The following DIXDC1 variants were observed in gnomAD, a reference collection of about 807,000 sequenced individuals.
The protein encoded by DIXDC1 is DIX domain containing 1.
DIXDC1 carries 64 observed loss-of-function variants against 103.1 expected under a neutral mutation model. The observed-to-expected ratio is 0.62, with a 90% CI of 0.51 to 0.76. DIXDC1 has a LOEUF of 0.76. Ranked by LOEUF, DIXDC1 falls within the 30% of genes least tolerant of loss-of-function variation. DIXDC1 has a pLI of 0.00. For synonymous variants in DIXDC1, 266 were observed against 298.5 expected, an observed-to-expected ratio of 0.89 and a Z score of 1.12; for missense variants, 759 against 834.2, an observed-to-expected ratio of 0.91 and a Z score of 1.11.
chr11:111,940,442 C>T (rs2137441938), intron 1 of DIXDC1, among the ~76,000 whole-genome samples: 1 of 152,260 alleles, frequency 6.6e-6, no homozygotes, highest in African/African-American at 2.4e-5. Flanking sequence ...TCTGCATCTG[C>T]CTCAAAGCTA....
intron 1 of DIXDC1, among the ~76,000 whole-genome samples, chr11:111,953,005 G>GA (rs1555170219): frequency 6.6e-6 from 1 of 151,858 alleles, no homozygotes; most frequent in African/African-American, 2.4e-5. Flanking sequence ...ACCAAACAAA[G>GA]AAAAAACAAA....
chr11:111,937,402 T>A lies in DIXDC1; in HGVS notation c.-98T>A, dbSNP rs1165543969. 10 of 1,503,426 alleles carry A rather than the reference T, an allele frequency of 6.7e-6. No individual in the cohort carries two copies. In the East Asian group the frequency reaches 2.3e-4, roughly 34 times the overall value. 93.1% of individuals were successfully genotyped at this position (1,503,426 alleles called of 1,614,324 possible). A position where few individuals can be genotyped will look rare whatever the true frequency, so the allele number is the denominator to read the frequency against. ...ATGCGGGACTCCGGAGGGATCCCAATGAGCTGAGCCGAGAGCCTTTGTGTG... is the reference window on the plus strand; with the variant it reads ...ATGCGGGACTCCGGAGGGATCCCAAAGAGCTGAGCCGAGAGCCTTTGTGTG... On this transcript the variant is annotated 5_prime_UTR_variant, in exon 1 of 20. The change abolishes an upstream ATG in the 5' untranslated region. Coordinates refer to ENST00000440460, the MANE Select transcript of DIXDC1 (RefSeq NM_001037954.4).
chr11:111,932,026 C>A (rs1966035385), intron 2 of DIXDC1, among the ~76,000 whole-genome samples: 1 of 137,880 alleles, frequency 7.3e-6, no homozygotes, highest in Admixed American at 7.4e-5. Context: ...TGGCAGATAA[C>A]CTTTTTTTTT....
intron 2 of DIXDC1, among the ~76,000 whole-genome samples, chr11:111,965,682 T>G (rs1859705073): frequency 6.6e-6 from 1 of 152,212 alleles, no homozygotes; most frequent in Admixed American, 6.5e-5. Flanking sequence ...AACATAATAT[T>G]ATCCCCACTT....
rs1861611110 is a variant in DIXDC1, at chr11:112,017,018, A to G, written c.1862+222A>G. Among the ~76,000 whole-genome samples, 2 of 152,098 alleles carry G rather than the reference A, an allele frequency of 1.3e-5. No homozygotes were observed. Among genetic ancestry groups the G allele is most frequent in the African/African-American group, 4.8e-5 (2 of 41,430 alleles). ...TGATCTACTACTAGATACAGGTACA[A>G]TAATAGTACTTCCAATCCTGATAAC... On this transcript the variant is annotated intron_variant, in intron 18 of 19. Coordinates refer to ENST00000440460, the MANE Select transcript of DIXDC1 (RefSeq NM_001037954.4). This position sits in a 1 kb window ranked among gnomAD's most constrained non-coding sequence, Gnocchi z 4.0.
chr11:112,017,978 G>A lies in DIXDC1; in HGVS notation c.1971+93G>A. On this transcript the variant is annotated intron_variant, in intron 19 of 19. Transcript: ENST00000440460. This position sits in a 1 kb window ranked among gnomAD's most constrained non-coding sequence, Gnocchi z 4.0. The stretch of plus-strand genomic sequence containing the variant: ...AGCACTAGTGTCCAGAAGTACATGA[G>A]TTCCCTGACTAGGTCAGAAGAATTT... The A allele has an allele frequency of 1.0e-6, 1 of 974,302 alleles. No individual in the cohort carries two copies. The highest frequency in any genetic ancestry group is 1.5e-6 in the Non-Finnish European group (1 of 649,566). 60.4% of individuals were successfully genotyped at this position (974,302 alleles called of 1,614,324 possible).
chr11:112,007,832 G>A (rs1555176763), intron 17 of DIXDC1, among the ~76,000 whole-genome samples: 2 of 152,148 alleles, frequency 1.3e-5, no homozygotes, highest in Admixed American at 1.3e-4. Flanking sequence ...AGGAACAACC[G>A]GTACCAGCCA....
Position 111,977,858 on chromosome 11 carries a change from A to G in DIXDC1, c.656+2875A>G. On this transcript the variant is annotated intron_variant, in intron 5 of 19. Transcript: ENST00000440460. This position sits in a 1 kb window ranked among gnomAD's most constrained non-coding sequence, Gnocchi z 6.1. Reference sequence around the variant, plus strand: ...TGGGTGGGAACAGGGGCAGGGCTGGAGGATGCTGTTGGCCGGAGACAGGCG... The same window carrying G: ...TGGGTGGGAACAGGGGCAGGGCTGGGGGATGCTGTTGGCCGGAGACAGGCG... The G allele has an allele frequency of 6.7e-7, 1 of 1,493,322 alleles. No homozygotes were observed. Among genetic ancestry groups the G allele is most frequent in the Non-Finnish European group, 8.9e-7 (1 of 1,120,392 alleles). 92.5% of individuals were successfully genotyped at this position (1,493,322 alleles called of 1,614,324 possible). A position where few individuals can be genotyped will look rare whatever the true frequency, so the allele number is the denominator to read the frequency against.
chr11:112,010,429 C>T lies in DIXDC1; in HGVS notation c.1757-6262C>T, dbSNP rs587698956. On this transcript the variant is annotated intron_variant, in intron 17 of 19. Transcript: ENST00000440460. Reference sequence around the variant, plus strand: ...ATTCCCATCAAGCTACCAATGTCTTCTTCACAGAATTGGAAAAAACTACTT... The same window carrying T: ...ATTCCCATCAAGCTACCAATGTCTTTTTCACAGAATTGGAAAAAACTACTT... Among the ~76,000 whole-genome samples the T allele has an allele frequency of 3.9e-5, 6 of 152,312 alleles. No individual in the cohort carries two copies. The South Asian group carries it at 1.2e-3, about 32-fold the overall frequency.
chr11:111,971,370 CT>C (rs1390858876), intron 3 of DIXDC1, among the ~76,000 whole-genome samples: 1 of 152,202 alleles, frequency 6.6e-6, no homozygotes, highest in Non-Finnish European at 1.5e-5. Context: ...CTCATCAACA[CT>C]AATCAGATAA....
At chr11:111,974,750 G>C (rs1167152932) in intron 4 of DIXDC1, 126 bp from the exon 5 acceptor site, 1 of 1,470,296 alleles carries the variant, frequency 6.8e-7, no homozygotes, top group Non-Finnish European at 9.0e-7. Context: ...AAGTGTCTTT[G>C]AGGCAGGGGT....
Position 111,986,869 on chromosome 11 carries a change from A to C in DIXDC1, c.1009-2A>C, listed in dbSNP as rs1413393454. The C allele has an allele frequency of 1.9e-6, 3 of 1,567,170 alleles. No homozygotes were observed. Among genetic ancestry groups the C allele is most frequent in the Non-Finnish European group, 2.6e-6 (3 of 1,154,752 alleles). On this transcript the variant is annotated splice_acceptor_variant, in intron 8 of 19. Coordinates refer to ENST00000440460, the MANE Select transcript of DIXDC1 (RefSeq NM_001037954.4). LOFTEE classifies it high-confidence loss of function. ...AGCCATCTCTGTTTGTCTTATATTC[A>C]GATTATAATCCAAAGTCGTCTGGAT... is the stretch of plus-strand genomic sequence containing the variant.
chr11:111,929,460 G>C (rs1285667343), intron 1 of DIXDC1, among the ~76,000 whole-genome samples: 2 of 151,784 alleles, frequency 1.3e-5, no homozygotes, highest in Admixed American at 6.6e-5. Context: ...GTGCACACCT[G>C]TGGTCCTGGA....
chr11:111,964,473 G>A (rs1377296735), intron 1 of DIXDC1, 76 bp from the exon 2 acceptor site: 10 of 1,513,334 alleles, frequency 6.6e-6, no homozygotes, highest in East Asian at 2.5e-5. Flanking sequence ...AGTCACAAAC[G>A]CTTCCTCAGA....
intron 3 of DIXDC1, among the ~76,000 whole-genome samples, chr11:111,971,071 G>T (rs1555172026): frequency 1.3e-5 from 2 of 152,126 alleles, no homozygotes; most frequent in African/African-American, 2.4e-5. Flanking sequence ...CATTGGCAAA[G>T]AATTTATTAC....
rs782245932 is a variant in DIXDC1, at chr11:111,980,825, G to A, written c.745G>A (p.Ala249Thr). 65 of 1,613,724 alleles carry A rather than the reference G, an allele frequency of 4.0e-5. 1 individual carries two copies. In the South Asian group the frequency reaches 4.9e-4, roughly 12 times the overall value. The change falls in exon 6 of 20, where the codon GCT becomes ACT. Residue 249 changes from alanine to threonine, a missense_variant. By Grantham distance (58) the Ala-to-Thr change is moderately conservative. This residue lies in a region of DIXDC1 where 657 missense variants were observed against 727.5 expected (regional missense o/e 0.90). Coordinates refer to ENST00000440460, the MANE Select transcript of DIXDC1 (RefSeq NM_001037954.4). ...GAAGGCAGATTTTGTGATTATTCCC[G>A]CTGAAGGAATAGAGAACAGAACAGG... ...EEKADFVIIP[A>T]EGIENRTEGT...
intron 1 of DIXDC1, among the ~76,000 whole-genome samples, chr11:111,943,592 C>T (rs1423639800): frequency 6.7e-6 from 1 of 149,430 alleles, no homozygotes; most frequent in Non-Finnish European, 1.5e-5. Flanking sequence ...CTCCGCCTCC[C>T]GGGTTCAAGC....
chr11:111,974,365 A>G, intron 4 of DIXDC1, 111 bp downstream of exon 4: 1 of 1,072,158 alleles, frequency 9.3e-7, no homozygotes, highest in Non-Finnish European at 1.3e-6. Context: ...CAGATTGCAG[A>G]AAAGAACATG....
chr11:111,931,393 T>C (rs1350775937), intron 2 of DIXDC1, among the ~76,000 whole-genome samples: 3 of 150,476 alleles, frequency 2.0e-5, no homozygotes, highest in African/African-American at 7.3e-5. Context: ...CTCACGCCTG[T>C]AATCCCAGCA....
Sources: allele counts gnomAD v4.1 joint callset (sites outside exome capture counted in the v4.1 genomes callset), GRCh38; gene constraint gnomAD v4.1.1; regional missense constraint gnomAD v4.1.1; non-coding constraint Gnocchi (gnomAD v3.1); transcripts MANE v1.5; gene names NCBI Gene and HGNC (gene_info 2026-07-23, HGNC 2026-07-21).